SOX5: variants seen among roughly 807,000 people sequenced by gnomAD.
SOX5 encodes the protein transcription factor SOX-5.
Under a neutral mutation model 92.0 loss-of-function variants are expected in SOX5, and 9 were observed. The ratio of observed to expected loss-of-function variants is 0.10; its 90% CI spans 0.06 to 0.17. The LOEUF (loss-of-function observed/expected upper bound fraction) is 0.17, where lower values mean the gene tolerates loss of function less well. SOX5 is among the 10% of genes least tolerant of loss of function. The probability of loss-of-function intolerance (pLI) is 1.00; values close to 1 mark genes in which losing one functional copy is unlikely to be tolerated. For synonymous variants in SOX5, 344 were observed against 336.3 expected, an observed-to-expected ratio of 1.02 and a Z score of -0.25; for missense variants, 642 against 944.5, an observed-to-expected ratio of 0.68 and a Z score of 4.20.
chr12:24,063,393 A>C (rs907754319), intron 4 of SOX5, among the ~76,000 whole-genome samples: 2 of 152,240 alleles, frequency 1.3e-5, no homozygotes, highest in African/African-American at 2.4e-5. Flanking sequence ...ACACTTCAGT[A>C]ATGGCACTAC....
At chr12:23,991,539 T>A (rs949566110) in intron 4 of SOX5, among the ~76,000 whole-genome samples, 1 of 151,970 alleles carries the variant, frequency 6.6e-6, no homozygotes, top group Admixed American at 6.6e-5. Context: ...TTTCCAGTTA[T>A]AAAATAAATT....
chr12:23,858,969 T>C (rs2096724248), intron 2 of SOX5, among the ~76,000 whole-genome samples: 1 of 152,234 alleles, frequency 6.6e-6, no homozygotes, highest in Non-Finnish European at 1.5e-5. Flanking sequence ...AATACTCTTA[T>C]AATTTCCTGC....
At chr12:23,974,004 G>C (rs1207554649) in intron 4 of SOX5, among the ~76,000 whole-genome samples, 2 of 152,090 alleles carry the variant, frequency 1.3e-5, no homozygotes, top group African/African-American at 4.8e-5. Context: ...AAAAAGGTTG[G>C]GGACTGTTGC....
At chr12:23,784,954 T>C (rs1020352115) in intron 3 of SOX5, among the ~76,000 whole-genome samples, 1 of 152,130 alleles carries the variant, frequency 6.6e-6, no homozygotes, top group African/African-American at 2.4e-5. Flanking sequence ...TGATGGCACA[T>C]GCATGTAGTT....
chr12:23,556,745 G>A (rs1036175369), intron 11 of SOX5, among the ~76,000 whole-genome samples: 8 of 152,180 alleles, frequency 5.3e-5, no homozygotes, highest in Non-Finnish European at 1.2e-4. Flanking sequence ...ACCGACTGGA[G>A]AGGCATGAGT....
chr12:24,418,116 A>G (rs1406526013), intron 1 of SOX5, among the ~76,000 whole-genome samples: 1 of 152,120 alleles, frequency 6.6e-6, no homozygotes, highest in African/African-American at 2.4e-5. Flanking sequence ...TCTTACTCCA[A>G]CTGTCATGGT....
intron 1 of SOX5, among the ~76,000 whole-genome samples, chr12:24,431,013 A>T (rs1016217415): frequency 6.6e-6 from 1 of 152,214 alleles, no homozygotes; most frequent in East Asian, 1.9e-4. Context: ...TGCAAAAGAG[A>T]TGGTCAAAAT....
intron 4 of SOX5, among the ~76,000 whole-genome samples, chr12:24,135,467 G>C (rs1345689116): frequency 6.6e-6 from 1 of 152,152 alleles, no homozygotes; most frequent in Non-Finnish European, 1.5e-5. Context: ...TAGCTGATTA[G>C]CCTTTTACAC....
intron 6 of SOX5, among the ~76,000 whole-genome samples, chr12:23,718,070 G>A (rs548886249): frequency 1.5e-5 from 2 of 136,226 alleles, no homozygotes; most frequent in African/African-American, 5.0e-5. Context: ...CCAAGTTCAT[G>A]ATAATTTTTA....
intron 2 of SOX5, among the ~76,000 whole-genome samples, chr12:23,864,783 G>C (rs893252529): frequency 3.9e-5 from 6 of 152,226 alleles, no homozygotes; most frequent in African/African-American, 1.4e-4. Flanking sequence ...ATAATGCAAA[G>C]TGAAGCAGAA....
intron 2 of SOX5, among the ~76,000 whole-genome samples, chr12:24,356,793 C>T (rs1044937495): frequency 2.6e-5 from 4 of 152,114 alleles, no homozygotes; most frequent in African/African-American, 9.7e-5. Context: ...TTTAAAAAAA[C>T]CTCTGAATGT....
At chr12:24,111,318 C>T (rs150372436) in intron 4 of SOX5, among the ~76,000 whole-genome samples, 92 of 152,282 alleles carry the variant, frequency 6.0e-4, no homozygotes, top group African/African-American at 2.1e-3. Context: ...ATCATCTGTA[C>T]TCATGCTTCA....
intron 4 of SOX5, among the ~76,000 whole-genome samples, chr12:24,102,077 A>G (rs577706470): frequency 2.6e-5 from 4 of 152,222 alleles, no homozygotes; most frequent in African/African-American, 9.6e-5. Context: ...TAAATTATCT[A>G]TTTTTCCCTT....
intron 4 of SOX5, among the ~76,000 whole-genome samples, chr12:24,057,238 G>C (rs895074479): frequency 2.6e-5 from 4 of 151,716 alleles, no homozygotes; most frequent in Non-Finnish European, 5.9e-5. Flanking sequence ...ATATAAAGAA[G>C]GAATTGATAA....
At chr12:24,146,057 T>C (rs1222706702) in intron 4 of SOX5, among the ~76,000 whole-genome samples, 4 of 152,138 alleles carry the variant, frequency 2.6e-5, no homozygotes, top group Non-Finnish European at 4.4e-5. Context: ...GATTTCAATA[T>C]CCATTGCTCA....
intron 1 of SOX5, among the ~76,000 whole-genome samples, chr12:24,474,520 A>G (rs1340958471): frequency 6.6e-6 from 1 of 152,130 alleles, no homozygotes; most frequent in East Asian, 1.9e-4. Context: ...GATTTTCCGT[A>G]ATTATGACTT....
intron 4 of SOX5, among the ~76,000 whole-genome samples, chr12:24,193,617 T>C (rs1044823153): frequency 6.6e-6 from 1 of 152,218 alleles, no homozygotes; most frequent in Non-Finnish European, 1.5e-5. Context: ...GTTCAATCCT[T>C]GTGTTTGGCT....
At chr12:24,379,668 G>A (rs1957621243) in intron 1 of SOX5, among the ~76,000 whole-genome samples, 1 of 152,030 alleles carries the variant, frequency 6.6e-6, no homozygotes, top group Non-Finnish European at 1.5e-5. Flanking sequence ...AAGAGAAAGG[G>A]ATCAAGCCCT....
chr12:23,862,472 G>A (rs1435924601), intron 2 of SOX5, among the ~76,000 whole-genome samples: 1 of 152,148 alleles, frequency 6.6e-6, no homozygotes, highest in Non-Finnish European at 1.5e-5. Context: ...TAATCTGAAA[G>A]TAGTCCAGAT....
Sources: gnomAD v4.1 joint callset for allele counts (sites outside exome capture counted in the v4.1 genomes callset) on GRCh38, gnomAD v4.1.1 for gene constraint, MANE v1.5 for transcripts, NCBI Gene and HGNC (gene_info 2026-07-23, HGNC 2026-07-21) for gene names.